Variants in ATN1 observed in about 807,000 individuals in gnomAD.
The protein encoded by ATN1 is atrophin 1.
In ATN1, 19 loss-of-function variants were observed where a neutral mutation model predicts 85.8. That is an observed-to-expected ratio of 0.22 (90% CI 0.15 to 0.32). ATN1 has a LOEUF of 0.32. ATN1 is among the 10% of genes least tolerant of loss of function. The probability of loss-of-function intolerance (pLI) is 1.00; values close to 1 mark genes in which losing one functional copy is unlikely to be tolerated. For synonymous variants in ATN1, 674 were observed against 657.0 expected, an observed-to-expected ratio of 1.03 and a Z score of -0.39; for missense variants, 1,453 against 1,564.5, an observed-to-expected ratio of 0.93 and a Z score of 1.20.
upstream of ATN1, among the ~76,000 whole-genome samples, chr12:6,927,425 A>G (rs1197163886): frequency 4.0e-5 from 6 of 149,446 alleles, no homozygotes; most frequent in Non-Finnish European, 1.5e-5. Flanking sequence ...TCTCTACCCC[A>G]GGATCCCCCA....
rs782778013 is a variant in ATN1 at position 6,937,750 on chromosome 12, G to A, written c.2295-95G>A. ...TCACAGCCTGCAGGGGTGGTTTTGA[G>A]GCGGGGGCTACAAGCACTCGCCGGG... On this transcript the variant is annotated intron_variant, in intron 5 of 9. Coordinates refer to ENST00000396684, the MANE Select transcript of ATN1 (RefSeq NM_001940.4). The surrounding 1 kb of genome is among the most constrained non-coding windows in gnomAD (Gnocchi z 6.0). 7.5e-5 allele frequency: 110 copies of A among 1,460,650 alleles called. No individual in the cohort carries two copies. The African/African-American group carries it at 1.4e-3, about 19-fold the overall frequency. 90.5% of individuals were successfully genotyped at this position (1,460,650 alleles called of 1,614,324 possible). A position where few individuals can be genotyped will look rare whatever the true frequency, so the allele number is the denominator to read the frequency against.
chr12:6,937,621 G>C lies in ATN1; in HGVS notation c.2294+60G>C. 6.9e-7 allele frequency: 1 copy of C among 1,446,738 alleles called. No individual in the cohort carries two copies. The allele number at this position is 1,446,738 out of a possible 1,614,324, so 89.6% of individuals were successfully genotyped here. ...AAGGGGACGACGACAAGGCGGCGAC[G>C]AGAGAGGGAGTAGCAGGGAGGGGCC... On this transcript the variant is annotated intron_variant, in intron 5 of 9. Transcript: ENST00000396684. This position sits in a 1 kb window ranked among gnomAD's most constrained non-coding sequence, Gnocchi z 6.0.
intron 6 of ATN1, 99 bp downstream of exon 6, chr12:6,938,166 G>T: frequency 4.9e-6 from 7 of 1,442,614 alleles, no homozygotes; most frequent in Non-Finnish European, 6.3e-6. Context: ...CTGTGGCTGG[G>T]TGGGCGGGCG....
At position 6,933,947 on chromosome 12, in the gene ATN1, G is replaced by A. The variant is rs782565064; in HGVS notation, c.-55G>A. On this transcript the variant is annotated 5_prime_UTR_variant, in exon 2 of 10. Coordinates refer to ENST00000396684, the MANE Select transcript of ATN1 (RefSeq NM_001940.4). Reference sequence around the variant, plus strand: ...GGGGAACTTGGGGTGGAGCAGAGAAGTTTCTGTATTCAGCTGCCCAGGCAG... The same window carrying A: ...GGGGAACTTGGGGTGGAGCAGAGAAATTTCTGTATTCAGCTGCCCAGGCAG... The A allele has an allele frequency of 3.7e-5, 58 of 1,574,240 alleles. No individual in the cohort carries two copies. Among genetic ancestry groups the A allele is most frequent in the Non-Finnish European group, 4.7e-5 (54 of 1,158,916 alleles).
chr12:6,924,714 AGT>A (rs746234825), upstream of ATN1, among the ~76,000 whole-genome samples: 95 of 151,854 alleles, frequency 6.3e-4, no homozygotes, highest in Non-Finnish European at 1.0e-3. Flanking sequence ...TTTTAGTTTC[AGT>A]GTGGGCATCT....
Position 6,934,263 on chromosome 12 carries a change from A to G in ATN1, c.115A>G (p.Ser39Gly). ...SRGRASPGGV[S>G]TSSSDGKAEK... Reference sequence around the variant, plus strand: ...GGGCCGGGCCTCCCCTGGAGGGGTCAGCACGTCCAGCAGTGATGGCAAAGC... The same window carrying G: ...GGGCCGGGCCTCCCCTGGAGGGGTCGGCACGTCCAGCAGTGATGGCAAAGC... Residue 39 changes from serine (S) to glycine (G), a missense_variant, in exon 3 of 10, where the codon AGC becomes GGC. Transcript: ENST00000396684. This position sits in a 1 kb window ranked among gnomAD's most constrained non-coding sequence, Gnocchi z 4.5. 1 of 1,581,026 alleles carries G rather than the reference A, an allele frequency of 6.3e-7. No individual in the cohort carries two copies. The highest frequency in any genetic ancestry group is 8.5e-7 in the Non-Finnish European group (1 of 1,171,094).
At position 6,941,386 on chromosome 12, in the gene ATN1, G is replaced by A; in HGVS notation, c.3371G>A (p.Arg1124Gln). Residue 1124 changes from arginine (R) to glutamine (Q), a missense_variant, in exon 9 of 10, where the codon CGG (arginine) becomes CAG (glutamine). Transcript: ENST00000396684. The surrounding 1 kb of genome is among the most constrained non-coding windows in gnomAD (Gnocchi z 5.9). ...TTCCTGCTCACAGCTGCCCCTTACC[G>A]GGACCTGCCGGCCTCCCTTTCTGCC... ...LRHQLFAAPYRDLPASLSAPM... is the reference protein window; with the variant it reads ...LRHQLFAAPYQDLPASLSAPM... 1.9e-6 allele frequency: 3 copies of A among 1,601,476 alleles called. No homozygotes were observed. Among genetic ancestry groups the A allele is most frequent in the South Asian group, 1.1e-5 (1 of 90,364 alleles).
rs1223943824 is a variant in ATN1 at position 6,934,877 on chromosome 12, CTTTTT to C, written c.279+301_279+305del. The stretch of plus-strand genomic sequence containing the variant: ...TAAGGAAAATGCAGAAGTGGTCTTT[CTTTTT>C]TATTGTTTTTTTTTGTTTGTTTGTT... On this transcript the variant is annotated intron_variant, in intron 4 of 9. Coordinates refer to ENST00000396684, the MANE Select transcript of ATN1 (RefSeq NM_001940.4). This position sits in a 1 kb window ranked among gnomAD's most constrained non-coding sequence, Gnocchi z 4.5. 1.3e-5 allele frequency among the ~76,000 whole-genome samples: 2 copies of C among 151,506 alleles called. No homozygotes were observed. Among genetic ancestry groups the C allele is most frequent in the African/African-American group, 4.8e-5 (2 of 41,364 alleles).
chr12:6,934,803 G>A lies in ATN1; in HGVS notation c.279+225G>A, dbSNP rs1945510443. On this transcript the variant is annotated intron_variant, in intron 4 of 9. Coordinates refer to ENST00000396684, the MANE Select transcript of ATN1 (RefSeq NM_001940.4). This position sits in a 1 kb window ranked among gnomAD's most constrained non-coding sequence, Gnocchi z 4.5. ...CCAAAGGGGACCAGAAGAGTTGGGG[G>A]ATTCTAGTCTCTGGGTGAGAAGTCT... Among the ~76,000 whole-genome samples the A allele has an allele frequency of 6.6e-6, 1 of 152,234 alleles. No individual in the cohort carries two copies. Among genetic ancestry groups the A allele is most frequent in the South Asian group, 2.1e-4 (1 of 4,832 alleles).
At position 6,934,215 on chromosome 12, in the gene ATN1, C is replaced by T; in HGVS notation, c.67C>T (p.Pro23Ser). 6.3e-7 allele frequency: 1 copy of T among 1,595,974 alleles called. No individual in the cohort carries two copies. The highest frequency in any genetic ancestry group is 2.2e-5 in the East Asian group (1 of 44,820). ...RSGRKKEAPG[P>S]REELRSRGRA... ...TGGACGGAAGAAAGAGGCCCCTGGG[C>T]CCCGGGAAGAACTGAGATCGAGGGG... is the stretch of plus-strand genomic sequence containing the variant. The change falls in exon 3 of 10, where the codon CCC (proline) becomes TCC (serine). Residue 23 changes from proline to serine, a missense_variant. By Grantham distance (74) the Pro-to-Ser change is moderately conservative. Around this residue, in one of 6 missense-constraint regions of ATN1, gnomAD observed 130 missense variants for 158.2 expected, o/e 0.82. Transcript: ENST00000396684. The surrounding 1 kb of genome is among the most constrained non-coding windows in gnomAD (Gnocchi z 4.5).
At position 6,939,150 on chromosome 12, in the gene ATN1, C is replaced by T; in HGVS notation, c.3187C>T (p.Leu1063=). The T allele has an allele frequency of 6.3e-7, 1 of 1,599,412 alleles. No homozygotes were observed. Among genetic ancestry groups the T allele is most frequent in the South Asian group, 1.1e-5 (1 of 91,022 alleles). ...CTCCCACATCCACTCGCACCTGCAC[C>T]TGCACCAGCAAGATGCTATCCATGC... ...QHSHIHSHLH[L]HQQDAIHAAS... The change falls in exon 7 of 10, where the codon CTG becomes TTG. Residue 1063 remains leucine (L), a synonymous_variant. Transcript: ENST00000396684.
At position 6,934,687 on chromosome 12, in the gene ATN1, C is replaced by T. The variant is rs1945508872; in HGVS notation, c.279+109C>T. 2.4e-6 allele frequency: 2 copies of T among 818,188 alleles called. No individual in the cohort carries two copies. The highest frequency in any genetic ancestry group is 4.0e-6 in the Non-Finnish European group (2 of 498,670). The allele number at this position is 818,188 out of a possible 1,614,324, so 50.7% of individuals were successfully genotyped here. On this transcript the variant is annotated intron_variant, in intron 4 of 9. Coordinates refer to ENST00000396684, the MANE Select transcript of ATN1 (RefSeq NM_001940.4). This position sits in a 1 kb window ranked among gnomAD's most constrained non-coding sequence, Gnocchi z 4.5. ...TCTCTCCTGGGACATAAGAGAAAGG[C>T]CAGATCATAGTGCTTATGAGAGCAG...
chr12:6,925,978 T>A (rs1261501157), upstream of ATN1, among the ~76,000 whole-genome samples: 1 of 152,222 alleles, frequency 6.6e-6, no homozygotes, highest in African/African-American at 2.4e-5. Flanking sequence ...TCCCAATTTC[T>A]GCTGCCAAAA....
rs782390428 is a variant in ATN1, at chr12:6,937,026, C to T, written c.1759C>T (p.His587Tyr). The change falls in exon 5 of 10, where the codon CAC becomes TAC. Residue 587 changes from histidine to tyrosine, a missense_variant. Physicochemically the swap from His to Tyr is moderately conservative, Grantham distance 83. Coordinates refer to ENST00000396684, the MANE Select transcript of ATN1 (RefSeq NM_001940.4). This position sits in a 1 kb window ranked among gnomAD's most constrained non-coding sequence, Gnocchi z 6.0. ...TTCTCAAGGGTCCTACCCATGTTCACACCCCTCCCCTTCCCAGGGCCCTCA... is the reference window on the plus strand; with the variant it reads ...TTCTCAAGGGTCCTACCCATGTTCATACCCCTCCCCTTCCCAGGGCCCTCA... Reference protein sequence around the residue: ...STSQGSYPCSHPSPSQGPQGA... With the variant: ...STSQGSYPCSYPSPSQGPQGA... 2.5e-6 allele frequency: 4 copies of T among 1,613,810 alleles called. No homozygotes were observed. The highest frequency in any genetic ancestry group is 3.4e-6 in the Non-Finnish European group (4 of 1,179,918).
chr12:6,938,183 G>T (rs893827791), intron 6 of ATN1, 116 bp downstream of exon 6: 3 of 1,436,668 alleles, frequency 2.1e-6, no homozygotes, highest in Non-Finnish European at 1.8e-6. Flanking sequence ...GGCGAGTCAC[G>T]TCGCCACCTG....
Position 6,931,189 on chromosome 12 carries a change from G to C in ATN1, c.-162-2651G>C, listed in dbSNP as rs781873107. Among the ~76,000 whole-genome samples, 338 of 152,228 alleles carry C rather than the reference G, an allele frequency of 2.2e-3. 1 individual carries two copies. Among genetic ancestry groups the C allele is most frequent in the African/African-American group, 7.6e-3 (317 of 41,540 alleles). ...CCTAACCTAACTGACTTGGTGAACA[G>C]GTTCTGTGATGGGGAAGGGAGATGG... On this transcript the variant is annotated intron_variant, in intron 1 of 9. Transcript: ENST00000396684.
upstream of ATN1, among the ~76,000 whole-genome samples, chr12:6,927,690 C>T (rs972942951): frequency 1.3e-5 from 2 of 151,816 alleles, no homozygotes; most frequent in Non-Finnish European, 2.9e-5. Flanking sequence ...GCGCTCCCTC[C>T]CTCGCGTCTC....
rs1046932020 is a variant in ATN1 at position 6,937,527 on chromosome 12, G to A, written c.2260G>A (p.Val754Ile). 2.9e-5 allele frequency: 45 copies of A among 1,533,790 alleles called. No homozygotes were observed. The African/African-American group carries it at 4.9e-4, about 17-fold the overall frequency. ...ARSPSPPPKV[V>I]DVPSHASQSA... ...CAGCCCCTCGCCCCCTCCCAAGGTG[G>A]TAGATGTACCCAGCCATGCCAGTCA... is the stretch of plus-strand genomic sequence containing the variant. Residue 754 changes from valine to isoleucine, a missense_variant, in exon 5 of 10, where the codon GTA becomes ATA. Physicochemically the swap from Val to Ile is conservative, Grantham distance 29 (BLOSUM62 3). This residue lies in a region of ATN1 where 990 missense variants were observed against 914.8 expected (regional missense o/e 1.08). Coordinates refer to ENST00000396684, the MANE Select transcript of ATN1 (RefSeq NM_001940.4). The surrounding 1 kb of genome is among the most constrained non-coding windows in gnomAD (Gnocchi z 6.0).
rs1334254107 is a variant in ATN1, at chr12:6,936,419, A to G, written c.1152A>G (p.Ala384=). 3 of 1,612,586 alleles carry G rather than the reference A, an allele frequency of 1.9e-6. No homozygotes were observed. The highest frequency in any genetic ancestry group is 1.6e-4 in the Middle Eastern group (1 of 6,082). ...PYSSSSSSSA[A]ASSSSSSSSS... ...CATCCTCTAGTAGTAGCTCTGCAGC[A>G]GCCTCCTCTTCCAGTTCTTCCTCCT... is the stretch of plus-strand genomic sequence containing the variant. Residue 384 remains alanine (A), a synonymous_variant, in exon 5 of 10, where the codon GCA becomes GCG. Transcript: ENST00000396684.
Sources: gnomAD v4.1 joint callset for allele counts (sites outside exome capture counted in the v4.1 genomes callset) on GRCh38, gnomAD v4.1.1 for gene constraint, gnomAD v4.1.1 regional missense constraint, Gnocchi (gnomAD v3.1) non-coding constraint, MANE v1.5 for transcripts, NCBI Gene and HGNC (gene_info 2026-07-23, HGNC 2026-07-21) for gene names.